The following PDK1 variants were observed in gnomAD, a reference collection of about 807,000 sequenced individuals.
PDK1 encodes the protein pyruvate dehydrogenase kinase 1, also known as [Pyruvate dehydrogenase (acetyl-transferring)] kinase isozyme 1, mitochondrial.
Under a neutral mutation model 54.2 loss-of-function variants are expected in PDK1, and 39 were observed. The observed-to-expected ratio is 0.72, with a 90% CI of 0.56 to 0.94. The LOEUF (loss-of-function observed/expected upper bound fraction) is 0.94. PDK1 is among the 40% of genes least tolerant of loss of function. The probability of loss-of-function intolerance (pLI) is 0.00; values close to 1 mark genes in which losing one functional copy is unlikely to be tolerated. For missense variants in PDK1, 552 were observed against 566.0 expected, an observed-to-expected ratio of 0.98 and a Z score of 0.25; for synonymous variants, 221 against 207.1, an observed-to-expected ratio of 1.07 and a Z score of -0.58.
At chr2:172,694,137 C>T in the PDK1 span, among the ~76,000 whole-genome samples, 3 of 152,140 alleles carry the variant, frequency 2.0e-5, no homozygotes, top group Non-Finnish European at 4.4e-5. Flanking sequence ...CTTTCCTCAC[C>T]CTTCACCATA....
chr2:172,687,802 C>T, the PDK1 span, among the ~76,000 whole-genome samples: 1 of 152,182 alleles, frequency 6.6e-6, no homozygotes, highest in African/African-American at 2.4e-5. Flanking sequence ...TAAAATCAGC[C>T]TGACCTTCTC....
chr2:172,583,478 G>A (rs35240579), intron 8 of PDK1, among the ~76,000 whole-genome samples: 1 of 151,648 alleles, frequency 6.6e-6, no homozygotes, highest in Non-Finnish European at 1.5e-5. Flanking sequence ...ATTTTTAGTA[G>A]AGACAGGGTT....
At chr2:172,657,283 C>CCA in the PDK1 span, among the ~76,000 whole-genome samples, 1 of 151,374 alleles carries the variant, frequency 6.6e-6, no homozygotes, top group African/African-American at 2.4e-5. Flanking sequence ...ACCTTAGCCT[C>CCA]CCAAAGTGCT....
the PDK1 span, among the ~76,000 whole-genome samples, chr2:172,720,896 T>C: frequency 6.6e-6 from 1 of 152,146 alleles, no homozygotes; most frequent in Non-Finnish European, 1.5e-5. Context: ...CCTCCAGGCC[T>C]GCACCACCAA....
At chr2:172,717,321 T>C in the PDK1 span, among the ~76,000 whole-genome samples, 1 of 152,306 alleles carries the variant, frequency 6.6e-6, no homozygotes, top group South Asian at 2.1e-4. Context: ...TGAAACCTCA[T>C]GGATGACCTC....
the PDK1 span, among the ~76,000 whole-genome samples, chr2:172,712,323 G>A: frequency 4.6e-5 from 7 of 152,324 alleles, no homozygotes; most frequent in Non-Finnish European, 1.0e-4. Flanking sequence ...CACCAGCCAG[G>A]AACCTCTGTG....
the PDK1 span, among the ~76,000 whole-genome samples, chr2:172,688,104 T>C: frequency 6.6e-6 from 1 of 152,220 alleles, no homozygotes; most frequent in East Asian, 1.9e-4. Context: ...ACATATATTT[T>C]TCCTTGAGAG....
chr2:172,622,852 A>G, the PDK1 span, among the ~76,000 whole-genome samples: 1 of 147,392 alleles, frequency 6.8e-6, no homozygotes. Flanking sequence ...ATGTTTATAT[A>G]TTATATGTAA....
chr2:172,614,226 G>A, the PDK1 span, among the ~76,000 whole-genome samples: 2 of 150,574 alleles, frequency 1.3e-5, no homozygotes, highest in South Asian at 4.2e-4. Context: ...TTCAGACAGA[G>A]TCCTGAATGG....
the PDK1 span, among the ~76,000 whole-genome samples, chr2:172,633,964 C>T: frequency 1.1e-4 from 16 of 148,120 alleles, no homozygotes; most frequent in East Asian, 1.8e-3. Context: ...CAAACTCCAC[C>T]TCCTGGGTTC....
At chr2:172,715,257 T>G in the PDK1 span, among the ~76,000 whole-genome samples, 1 of 152,158 alleles carries the variant, frequency 6.6e-6, no homozygotes, top group Non-Finnish European at 1.5e-5. Context: ...TTGCCTTTAC[T>G]TTAAGAAGTT....
At chr2:172,621,569 T>C in the PDK1 span, among the ~76,000 whole-genome samples, 1 of 147,050 alleles carries the variant, frequency 6.8e-6, no homozygotes, top group Non-Finnish European at 1.5e-5. Context: ...TATATATTTA[T>C]ATTATATATG....
intron 8 of PDK1, among the ~76,000 whole-genome samples, chr2:172,579,988 A>G (rs956940645): frequency 2.6e-5 from 4 of 151,934 alleles, no homozygotes; most frequent in African/African-American, 7.3e-5. Flanking sequence ...TATTTCCATT[A>G]TCTTACAAAT....
At chr2:172,624,090 C>G in the PDK1 span, among the ~76,000 whole-genome samples, 354 of 152,322 alleles carry the variant, frequency 2.3e-3, 1 homozygote, top group Non-Finnish European at 3.6e-3. Flanking sequence ...TCCTCTGCCT[C>G]TGGGGTGCGT....
the PDK1 span, chr2:172,723,576 G>A: frequency 6.6e-6 from 1 of 152,156 alleles, no homozygotes; most frequent in African/African-American, 2.4e-5. Flanking sequence ...AAAAATGGTT[G>A]AGGGATTGTT....
the PDK1 span, among the ~76,000 whole-genome samples, chr2:172,633,867 A>ATTTTT: frequency 4.4e-3 from 305 of 68,840 alleles, 62 homozygotes; most frequent in African/African-American, 0.016. Flanking sequence ...TTAGTCTATG[A>ATTTTT]TTTTTTTTTT....
chr2:172,564,755 A>G (rs1296892265), intron 4 of PDK1, 68 bp downstream of exon 4: 2 of 1,389,288 alleles, frequency 1.4e-6, no homozygotes, highest in Non-Finnish European at 2.0e-6. Context: ...AAATTTATTT[A>G]GGAAAGTTCC....
chr2:172,637,575 G>C, the PDK1 span, among the ~76,000 whole-genome samples: 1 of 152,066 alleles, frequency 6.6e-6, no homozygotes, highest in Non-Finnish European at 1.5e-5. Flanking sequence ...CCACTTTTCT[G>C]TAGATTTACA....
the PDK1 span, among the ~76,000 whole-genome samples, chr2:172,684,414 C>G: frequency 6.6e-6 from 1 of 151,728 alleles, no homozygotes; most frequent in East Asian, 1.9e-4. Context: ...AGAGTGAGAC[C>G]CCATCTCAAA....
Sources: allele counts gnomAD v4.1 joint callset (sites outside exome capture counted in the v4.1 genomes callset), GRCh38; gene constraint gnomAD v4.1.1; transcripts MANE v1.5; gene names NCBI Gene and HGNC (gene_info 2026-07-23, HGNC 2026-07-21).